The following SEMA6A variants were observed in gnomAD, a reference collection of about 807,000 sequenced individuals.
SEMA6A encodes the protein semaphorin-6A.
A neutral mutation model predicts 96.8 loss-of-function variants in SEMA6A; 25 were observed. That is an observed-to-expected ratio of 0.26 (90% CI 0.19 to 0.36). SEMA6A has a LOEUF of 0.36. Ranked by LOEUF, SEMA6A falls within the 10% of genes least tolerant of loss-of-function variation. The pLI is 1.00. For missense variants in SEMA6A, 1,363 were observed against 1,323.1 expected (o/e 1.03, Z -0.47); for synonymous variants, 612 against 518.0 (o/e 1.18, Z -2.46).
At chr5:116,496,485 G>A (rs543339904) in intron 4 of SEMA6A, among the ~76,000 whole-genome samples, 172 bp from the exon 5 acceptor site, 6 of 152,218 alleles carry the variant, frequency 3.9e-5, no homozygotes, top group East Asian at 3.9e-4. Context: ...AGATGAAAAC[G>A]TCCGTTTAAT....
In SEMA6A at chr5:116,447,676, C is replaced by A; in HGVS notation, c.2030G>T (p.Arg677Leu). The A allele has an allele frequency of 6.2e-7, 1 of 1,614,002 alleles. No individual in the cohort carries two copies. The highest frequency in any genetic ancestry group is 8.5e-7 in the Non-Finnish European group (1 of 1,179,886). The change falls in exon 19 of 19, where the codon CGG becomes CTG. Residue 677 changes from arginine (R) to leucine (L), a missense_variant. Physicochemically the swap from Arg to Leu is moderately radical, Grantham distance 102. Around this residue, in one of 2 missense-constraint regions of SEMA6A, gnomAD observed 883 missense variants for 763.6 expected, o/e 1.16. Transcript: ENST00000343348. ...GITVYCVCDH[R>L]RKDVAVVQRK... is the part of the protein sequence containing the mutation. ...CTGCACCACAGCCACGTCTTTGCGC[C>A]GATGATCACAGACGCAGTAGACGGT...
intron 9 of SEMA6A, 83 bp downstream of exon 9, chr5:116,488,025 A>T: frequency 1.1e-6 from 1 of 892,060 alleles, no homozygotes; most frequent in Non-Finnish European, 1.8e-6. Context: ...TCTCATTTCA[A>T]GATCATTTAT....
rs750545223 is a variant in SEMA6A at position 116,446,951 on chromosome 5, TCCTCTTATAGTCAAC to T, written c.2740_2754del (p.Val914_Arg918del). ...CTCGTGAGCGAGTTCGTGGGGTAGCTCCTCTTATAGTCAACCCCGTAGGAAGAGGAGTGGTGCATT... is the reference window on the plus strand; with the variant it reads ...CTCGTGAGCGAGTTCGTGGGGTAGCTCCCGTAGGAAGAGGAGTGGTGCATT... On this transcript the variant is annotated inframe_deletion, in exon 19 of 19. Transcript: ENST00000343348. 3.7e-6 allele frequency: 6 copies of T among 1,613,780 alleles called. 1 individual carries two copies. The highest frequency in any genetic ancestry group is 3.3e-5 in the Admixed American group (2 of 59,996).
At chr5:116,452,732 A>G (rs961042796) in intron 18 of SEMA6A, among the ~76,000 whole-genome samples, 2 of 152,226 alleles carry the variant, frequency 1.3e-5, no homozygotes, top group East Asian at 3.8e-4. Flanking sequence ...AAGGGAACCT[A>G]GCACCAGGCT....
chr5:116,456,491 C>G (rs1015700903), intron 18 of SEMA6A, among the ~76,000 whole-genome samples: 16 of 152,182 alleles, frequency 1.1e-4, no homozygotes, highest in African/African-American at 3.1e-4. Context: ...CAAACACTTT[C>G]CCTTAGTATC....
Position 116,468,050 on chromosome 5 carries a change from A to G in SEMA6A, c.1730-303T>C, listed in dbSNP as rs1280489736. 6.4e-5 allele frequency: 21 copies of G among 328,294 alleles called. No homozygotes were observed. The Admixed American group carries it at 9.2e-4, about 14-fold the overall frequency. 20.3% of individuals were successfully genotyped at this position (328,294 alleles called of 1,614,324 possible). ...CTGTGCACCCAGTGGGGATAAAGAT[A>G]CCTCTCGGTGTTGGGAGGATAGTGA... On this transcript the variant is annotated intron_variant, in intron 17 of 18. Transcript: ENST00000343348.
At chr5:116,483,785 C>A (rs971606315) in intron 10 of SEMA6A, among the ~76,000 whole-genome samples, 1 of 151,980 alleles carries the variant, frequency 6.6e-6, no homozygotes, top group East Asian at 1.9e-4. Context: ...AGTGATAGGC[C>A]GGGCGAAGTG....
At chr5:116,546,862 C>G (rs1580501815) in intron 1 of SEMA6A, among the ~76,000 whole-genome samples, 1 of 152,228 alleles carries the variant, frequency 6.6e-6, no homozygotes, top group East Asian at 1.9e-4. Context: ...TCACTTTAAC[C>G]ATTACCACCT....
rs555449753 is a variant in SEMA6A, at chr5:116,565,426, A to G, written c.-39+8759T>C. On this transcript the variant is annotated intron_variant, in intron 1 of 18. Transcript: ENST00000343348. Reference sequence around the variant, plus strand: ...AGAAAGCAGCCTCCATGATTAACAGATGAAGATCCCAGCGACAGTGTCTAG... The same window carrying G: ...AGAAAGCAGCCTCCATGATTAACAGGTGAAGATCCCAGCGACAGTGTCTAG... Among the ~76,000 whole-genome samples the G allele has an allele frequency of 1.4e-3, 218 of 152,336 alleles. 2 individuals are homozygous for G. The highest frequency in any genetic ancestry group is 4.9e-3 in the African/African-American group (202 of 41,574).
rs751339295 is a variant in SEMA6A, at chr5:116,447,140, T to C, written c.2566A>G (p.Lys856Glu). The C allele has an allele frequency of 3.1e-6, 5 of 1,613,976 alleles. No individual in the cohort carries two copies. In the South Asian group the frequency reaches 3.3e-5, roughly 11 times the overall value. The change falls in exon 19 of 19, where the codon AAG becomes GAG. Residue 856 changes from lysine to glutamate, a missense_variant. By Grantham distance (56) the Lys-to-Glu change is moderately conservative (BLOSUM62 1). Coordinates refer to ENST00000343348, the MANE Select transcript of SEMA6A (RefSeq NM_020796.5). ...QAATLEYKTIKEHLSSKSPNH... is the reference protein window; with the variant it reads ...QAATLEYKTIEEHLSSKSPNH... ...GGACTCTTGCTGCTGAGATGTTCCT[T>C]GATGGTCTTATACTCCAGTGTGGCG...
rs142936347 is a variant in SEMA6A, at chr5:116,524,325, G to A, written c.-38-19343C>T. 1.8e-4 allele frequency among the ~76,000 whole-genome samples: 28 copies of A among 152,268 alleles called. 1 individual carries two copies. The highest frequency in any genetic ancestry group is 6.7e-4 in the African/African-American group (28 of 41,552). On this transcript the variant is annotated intron_variant, in intron 1 of 18. Coordinates refer to ENST00000343348, the MANE Select transcript of SEMA6A (RefSeq NM_020796.5). ...GAAATATAAATTTTGATTACTGATT[G>A]CTGCATTGTTAGTAACTGACTATTT... is the stretch of plus-strand genomic sequence containing the variant.
At chr5:116,478,426 C>T (rs1756579670) in intron 13 of SEMA6A, 116 bp downstream of exon 13, 2 of 1,155,876 alleles carry the variant, frequency 1.7e-6, no homozygotes, top group Non-Finnish European at 1.2e-6. Flanking sequence ...ACAAACAGCA[C>T]TAAAAAGTCA....
chr5:116,451,752 ATAAAT>A (rs58605378), intron 18 of SEMA6A, among the ~76,000 whole-genome samples: 60,035 of 151,664 alleles, frequency 0.4, 13,494 homozygotes, highest in Non-Finnish European at 0.51. Context: ...AGTCATGGAA[ATAAAT>A]TCTATCTCCA....
intron 18 of SEMA6A, among the ~76,000 whole-genome samples, chr5:116,448,069 C>CA (rs1561460538): frequency 6.6e-6 from 1 of 151,258 alleles, no homozygotes; most frequent in Non-Finnish European, 1.5e-5. Context: ...CACGGTGACT[C>CA]ACGCCTGTAA....
intron 15 of SEMA6A, among the ~76,000 whole-genome samples, chr5:116,476,924 A>G (rs981549732): frequency 4.6e-5 from 7 of 152,232 alleles, no homozygotes; most frequent in African/African-American, 9.6e-5. Context: ...TGTTTACGAG[A>G]GTACTTGTCC....
intron 1 of SEMA6A, among the ~76,000 whole-genome samples, chr5:116,558,827 G>A (rs1231067226): frequency 1.3e-5 from 2 of 152,128 alleles, no homozygotes; most frequent in Non-Finnish European, 1.5e-5. Context: ...GAATTACATC[G>A]TCTGCAACAC....
rs59202921 is a variant in SEMA6A, at chr5:116,448,170, T to TAAAAAAAAA, written c.1895-368_1895-360dup. Among the ~76,000 whole-genome samples, 40 of 119,518 alleles carry TAAAAAAAAA rather than the reference T, an allele frequency of 3.3e-4. 1 individual carries two copies. Among genetic ancestry groups the TAAAAAAAAA allele is most frequent in the African/African-American group, 1.4e-3 (38 of 27,470 alleles). 78.4% of individuals were successfully genotyped at this position (119,518 alleles called of 152,430 possible). On this transcript the variant is annotated intron_variant, in intron 18 of 18. Transcript: ENST00000343348. ...AAGATGGTGAAACCCCCGTCTCTAC[T>TAAAAAAAAA]AAAAAAAAAAAAAAAAAAAAAAAAA...
intron 1 of SEMA6A, among the ~76,000 whole-genome samples, chr5:116,552,587 G>T (rs775646013): frequency 7.2e-5 from 11 of 152,126 alleles, no homozygotes; most frequent in Non-Finnish European, 1.6e-4. Context: ...GAGCAATTTA[G>T]TTAAGCGGCC....
chr5:116,522,177 A>G (rs1476178535), intron 1 of SEMA6A, among the ~76,000 whole-genome samples: 1 of 152,332 alleles, frequency 6.6e-6, no homozygotes, highest in East Asian at 1.9e-4. Flanking sequence ...GTAGGAGGTC[A>G]GATTTGGGTA....
Sources: allele counts gnomAD v4.1 joint callset (sites outside exome capture counted in the v4.1 genomes callset), GRCh38; gene constraint gnomAD v4.1.1; regional missense constraint gnomAD v4.1.1; transcripts MANE v1.5; gene names NCBI Gene and HGNC (gene_info 2026-07-23, HGNC 2026-07-21).